The following TIA1 variants were observed in gnomAD, a reference collection of about 807,000 sequenced individuals.
TIA1 encodes cytotoxic granule associated RNA binding protein TIA1.
In TIA1, 23 loss-of-function variants were observed where a neutral mutation model predicts 65.9. The observed-to-expected ratio is 0.35, with a 90% CI of 0.25 to 0.49. The LOEUF (loss-of-function observed/expected upper bound fraction) is 0.49. TIA1 is among the 20% of genes least tolerant of loss of function. The pLI, the probability that TIA1 is intolerant of heterozygous loss-of-function variation, is 0.98. For missense variants in TIA1, 371 were observed against 477.9 expected, an observed-to-expected ratio of 0.78 and a Z score of 2.09; for synonymous variants, 147 against 149.4, an observed-to-expected ratio of 0.98 and a Z score of 0.12.
chr2:70,210,950 T>G lies in TIA1; in HGVS notation c.*1769A>C, dbSNP rs1309685996. On this transcript the variant is annotated 3_prime_UTR_variant, in exon 13 of 13. Coordinates refer to ENST00000433529, the MANE Select transcript of TIA1 (RefSeq NM_022173.4). ...CATAGAATTGAGCTCCAGAGAATTATACACTCGAGCTGTCTTTCCTGGGCT... is the reference window on the plus strand; with the variant it reads ...CATAGAATTGAGCTCCAGAGAATTAGACACTCGAGCTGTCTTTCCTGGGCT... 6.6e-6 allele frequency: 1 copy of G among 152,218 alleles called. No individual in the cohort carries two copies. Among genetic ancestry groups the G allele is most frequent in the East Asian group, 1.9e-4 (1 of 5,202 alleles). The allele number at this position is 152,218 out of a possible 1,614,324, so 9.4% of individuals were successfully genotyped here. A position where few individuals can be genotyped will look rare whatever the true frequency, so the allele number is the denominator to read the frequency against.
intron 1 of TIA1, among the ~76,000 whole-genome samples, chr2:70,243,099 G>A (rs1175808921): frequency 6.6e-6 from 1 of 152,150 alleles, no homozygotes; most frequent in African/African-American, 2.4e-5. Flanking sequence ...AGTTACCCTA[G>A]AGGGAAAAGA....
chr2:70,248,620 G>T lies in TIA1; in HGVS notation c.-190C>A. 1 of 756,518 alleles carries T rather than the reference G, an allele frequency of 1.3e-6. No individual in the cohort carries two copies. The highest frequency in any genetic ancestry group is 2.1e-6 in the Non-Finnish European group (1 of 466,176). 46.9% of individuals were successfully genotyped at this position (756,518 alleles called of 1,614,324 possible). On this transcript the variant is annotated 5_prime_UTR_variant, in exon 1 of 13. Coordinates refer to ENST00000433529, the MANE Select transcript of TIA1 (RefSeq NM_022173.4). ...CGGGAACAATGAAACCCCAATACAAGATGGCGGCGAGCCGGGAGCCTAGGA... is the reference window on the plus strand; with the variant it reads ...CGGGAACAATGAAACCCCAATACAATATGGCGGCGAGCCGGGAGCCTAGGA...
In TIA1 at chr2:70,229,040, T is replaced by C. The variant is rs1175481114; in HGVS notation, c.310+19A>G. On this transcript the variant is annotated intron_variant, in intron 5 of 12. Transcript: ENST00000433529. ...CCCTTTCAAGAGATTTCATTTTATGTTTAAGAAGATACAATTACCTTGTGA... is the reference window on the plus strand; with the variant it reads ...CCCTTTCAAGAGATTTCATTTTATGCTTAAGAAGATACAATTACCTTGTGA... 10 of 1,593,302 alleles carry C rather than the reference T, an allele frequency of 6.3e-6. No individual in the cohort carries two copies. The Admixed American group carries it at 1.2e-4, about 19-fold the overall frequency.
rs1684451532 is a variant in TIA1 at position 70,227,809 on chromosome 2, G to A, written c.324C>T (p.Val108=). The change falls in exon 6 of 13, where the codon GTC becomes GTT. Residue 108 remains valine, a synonymous_variant. Coordinates refer to ENST00000433529, the MANE Select transcript of TIA1 (RefSeq NM_022173.4). ...STQRSQDHFH[V]FVGDLSPEIT... is the part of the protein sequence containing the mutation. ...TTTCTGGGCTGAGATCACCAACAAA[G>A]ACATGGAAATGATCTTATAAGGGGA... is the stretch of plus-strand genomic sequence containing the variant. 7 of 1,597,532 alleles carry A rather than the reference G, an allele frequency of 4.4e-6. No homozygotes were observed. Among genetic ancestry groups the A allele is most frequent in the Non-Finnish European group, 6.0e-6 (7 of 1,169,870 alleles).
At position 70,210,390 on chromosome 2, in the gene TIA1, G is replaced by GT. The variant is rs1676187303; in HGVS notation, c.*2328dup. ...ATTTCCTTACCTGATACTAATACCA[G>GT]TATGATTTTTAGACGGAAAAACTAA... is the stretch of plus-strand genomic sequence containing the variant. On this transcript the variant is annotated 3_prime_UTR_variant, in exon 13 of 13. Coordinates refer to ENST00000433529, the MANE Select transcript of TIA1 (RefSeq NM_022173.4). The GT allele has an allele frequency of 6.6e-6, 1 of 152,108 alleles. No homozygotes were observed. The highest frequency in any genetic ancestry group is 1.5e-5 in the Non-Finnish European group (1 of 68,022). 9.4% of individuals were successfully genotyped at this position (152,108 alleles called of 1,614,324 possible). A position where few individuals can be genotyped will look rare whatever the true frequency, so the allele number is the denominator to read the frequency against.
intron 6 of TIA1, chr2:70,225,354 TAG>T: frequency 1.6e-6 from 2 of 1,288,378 alleles, no homozygotes; most frequent in Non-Finnish European, 2.0e-6. Flanking sequence ...CCGTAGCTTG[TAG>T]TTAGCCAGGG....
At chr2:70,225,324 C>T in intron 6 of TIA1, 1 of 1,270,544 alleles carries the variant, frequency 7.9e-7, no homozygotes, top group Non-Finnish European at 1.0e-6. Flanking sequence ...AAAAGCACGC[C>T]AACATTTATC....
intron 6 of TIA1, among the ~76,000 whole-genome samples, chr2:70,225,864 A>G (rs2104328403): frequency 6.6e-6 from 1 of 152,264 alleles, no homozygotes; most frequent in South Asian, 2.1e-4. Flanking sequence ...GGCTGTATAT[A>G]AGGGAAAATA....
At chr2:70,216,815 C>T (rs1678826746) in intron 8 of TIA1, 71 bp downstream of exon 8, 1 of 1,611,176 alleles carries the variant, frequency 6.2e-7, no homozygotes, top group Admixed American at 1.7e-5. Flanking sequence ...CCGGGAACAG[C>T]TCTAACATTT....
intron 6 of TIA1, chr2:70,225,272 C>T: frequency 8.1e-7 from 1 of 1,233,308 alleles, no homozygotes; most frequent in Non-Finnish European, 1.0e-6. Flanking sequence ...TTGATTGGAA[C>T]TACAAGATAT....
At chr2:70,230,899 C>T in intron 2 of TIA1, 45 bp from the exon 3 acceptor site, 1 of 1,458,502 alleles carries the variant, frequency 6.9e-7, no homozygotes, top group Non-Finnish European at 9.4e-7. Flanking sequence ...CTTTATTCAC[C>T]CATTACCTTA....
intron 1 of TIA1, among the ~76,000 whole-genome samples, chr2:70,237,116 A>G (rs1689322768): frequency 6.6e-6 from 1 of 152,232 alleles, no homozygotes; most frequent in Admixed American, 6.5e-5. Flanking sequence ...ATTTGAAAAT[A>G]TATTAGCTAG....
intron 12 of TIA1, among the ~76,000 whole-genome samples, chr2:70,213,342 TTTC>T (rs1484814791): frequency 5.9e-5 from 9 of 151,484 alleles, no homozygotes; most frequent in African/African-American, 1.5e-4. Context: ...TTTCTTTTCT[TTTC>T]TTTTTTTTTT....
At chr2:70,238,045 C>T (rs1167319843) in intron 1 of TIA1, among the ~76,000 whole-genome samples, 4 of 150,854 alleles carry the variant, frequency 2.7e-5, no homozygotes, top group South Asian at 2.1e-4. Flanking sequence ...CCTGTAGTCC[C>T]GGCTACTCGG....
intron 2 of TIA1, among the ~76,000 whole-genome samples, chr2:70,231,924 C>A (rs994825596): frequency 2.6e-5 from 4 of 152,128 alleles, no homozygotes; most frequent in African/African-American, 9.7e-5. Flanking sequence ...ATCTTCCCGC[C>A]AGGCGCAGTG....
intron 7 of TIA1, among the ~76,000 whole-genome samples, chr2:70,220,794 C>G (rs1401738703): frequency 6.6e-6 from 1 of 151,684 alleles, no homozygotes; most frequent in Non-Finnish European, 1.5e-5. Context: ...CATATGCAAA[C>G]AACTCTTGAG....
At chr2:70,236,003 A>C (rs1445020832) in intron 2 of TIA1, 76 bp downstream of exon 2, 1 of 839,250 alleles carries the variant, frequency 1.2e-6, no homozygotes, top group Non-Finnish European at 1.9e-6. Flanking sequence ...GTAAACTAAG[A>C]ATTCCTTCCA....
At chr2:70,236,651 A>T (rs1689105840) in intron 1 of TIA1, among the ~76,000 whole-genome samples, 1 of 151,758 alleles carries the variant, frequency 6.6e-6, no homozygotes, top group African/African-American at 2.4e-5. Context: ...TTTTTCAGAC[A>T]AGGTCTTCTG....
intron 1 of TIA1, among the ~76,000 whole-genome samples, chr2:70,238,987 T>A (rs1690443257): frequency 6.6e-6 from 1 of 152,196 alleles, no homozygotes; most frequent in Non-Finnish European, 1.5e-5. Flanking sequence ...GAAGATCACT[T>A]GAACCCAGGA....
Sources: gnomAD v4.1 joint callset for allele counts (sites outside exome capture counted in the v4.1 genomes callset) on GRCh38, gnomAD v4.1.1 for gene constraint, MANE v1.5 for transcripts, NCBI Gene and HGNC (gene_info 2026-07-23, HGNC 2026-07-21) for gene names.